Variants in ROCK1 observed in about 807,000 individuals in gnomAD.
ROCK1 encodes Rho associated coiled-coil containing protein kinase 1.
ROCK1 carries 36 observed loss-of-function variants against 196.8 expected under a neutral mutation model. That is an observed-to-expected ratio of 0.18 (90% CI 0.14 to 0.24). The LOEUF (loss-of-function observed/expected upper bound fraction) is 0.24. Ranked by LOEUF, ROCK1 falls within the 10% of genes least tolerant of loss-of-function variation. ROCK1 has a pLI of 1.00. For missense variants in ROCK1, 920 were observed against 1,562.0 expected (o/e 0.59, Z 6.93); for synonymous variants, 443 against 515.9 (o/e 0.86, Z 1.91).
chr18:21,091,036 C>T (rs1016464667), intron 1 of ROCK1, among the ~76,000 whole-genome samples: 2 of 130,408 alleles, frequency 1.5e-5, no homozygotes, highest in African/African-American at 5.7e-5. Context: ...CTGCATAGAT[C>T]TACTTATATG....
Position 20,947,583 on chromosome 18 carries a change from T to C in ROCK1, c.*3801A>G. The stretch of plus-strand genomic sequence containing the variant: ...CAGGCACGGTGGCCTACACCTGTAA[T>C]GAGAGAGTAAAACTGCTTGAGGCTA... On this transcript the variant is annotated 3_prime_UTR_variant, in exon 33 of 33. Coordinates refer to ENST00000399799, the MANE Select transcript of ROCK1 (RefSeq NM_005406.3). 1 of 152,110 alleles carries C rather than the reference T, an allele frequency of 6.6e-6. No individual in the cohort carries two copies. The highest frequency in any genetic ancestry group is 1.5e-5 in the Non-Finnish European group (1 of 68,010). 9.4% of individuals were successfully genotyped at this position (152,110 alleles called of 1,614,324 possible).
At chr18:20,963,307 C>T (rs2035344079) in intron 27 of ROCK1, among the ~76,000 whole-genome samples, 1 of 152,100 alleles carries the variant, frequency 6.6e-6, no homozygotes, top group South Asian at 2.1e-4. Flanking sequence ...AACATCAGAG[C>T]TAACCTCTGA....
intron 2 of ROCK1, among the ~76,000 whole-genome samples, chr18:21,056,140 C>CA (rs1374101188): frequency 6.6e-6 from 1 of 151,018 alleles, no homozygotes; most frequent in Non-Finnish European, 1.5e-5. Flanking sequence ...GCTCAGCCCT[C>CA]AATGGTGACT....
chr18:21,039,302 T>C (rs1399959927), intron 9 of ROCK1, among the ~76,000 whole-genome samples, 170 bp downstream of exon 9: 1 of 152,152 alleles, frequency 6.6e-6, no homozygotes, highest in Non-Finnish European at 1.5e-5. Flanking sequence ...GGAGTAACAA[T>C]ATAATCTGCC....
At chr18:21,032,685 A>AT (rs539290410) in intron 9 of ROCK1, among the ~76,000 whole-genome samples, 1,446 of 126,294 alleles carry the variant, frequency 0.011, 19 homozygotes, top group South Asian at 0.043. Context: ...ATGCCTGGCT[A>AT]TTTTTTTTTT....
chr18:21,046,953 G>A (rs1186490165), intron 4 of ROCK1, among the ~76,000 whole-genome samples: 50 of 151,950 alleles, frequency 3.3e-4, no homozygotes, highest in Admixed American at 3.3e-3. Context: ...TACAAGCATG[G>A]GGGCCACCAC....
chr18:21,061,927 A>C (rs2036295080), intron 2 of ROCK1, among the ~76,000 whole-genome samples: 1 of 152,230 alleles, frequency 6.6e-6, no homozygotes, highest in African/African-American at 2.4e-5. Flanking sequence ...AAAAAGTTAC[A>C]AACAGGCAAG....
chr18:21,028,181 G>C (rs1337372103), intron 10 of ROCK1, among the ~76,000 whole-genome samples: 2 of 151,236 alleles, frequency 1.3e-5, no homozygotes, highest in Non-Finnish European at 3.0e-5. Context: ...ACTTTGGGAG[G>C]CCGAGGCAGG....
intron 16 of ROCK1, among the ~76,000 whole-genome samples, chr18:20,995,692 G>A (rs1287775534): frequency 1.3e-5 from 2 of 152,106 alleles, no homozygotes; most frequent in African/African-American, 2.4e-5. Context: ...CCCTCTCCCT[G>A]GCAGCTCAGC....
chr18:21,071,181 C>CTTTTTTTTTTTTTTTTTTTTTTG (rs11344426), intron 1 of ROCK1, among the ~76,000 whole-genome samples: 2 of 90,392 alleles, frequency 2.2e-5, no homozygotes, highest in Non-Finnish European at 2.3e-5. Context: ...ATTTTTTCTG[C>CTTTTTTTTTTTTTTTTTTTTTTG]TTTTTTTTTT....
At chr18:21,093,460 ATT>A (rs1332815777) in intron 1 of ROCK1, among the ~76,000 whole-genome samples, 1 of 152,194 alleles carries the variant, frequency 6.6e-6, no homozygotes, top group Admixed American at 6.5e-5. Context: ...GAAATAAATT[ATT>A]GTTAATTCAA....
rs1484493318 is a variant in ROCK1, at chr18:20,959,023, A to T, written c.3512+817T>A. Reference sequence around the variant, plus strand: ...ATATATATTTTATATAATATATATAATATATATATTTTATATAATATATAA... The same window carrying T: ...ATATATATTTTATATAATATATATATTATATATATTTTATATAATATATAA... On this transcript the variant is annotated intron_variant, in intron 29 of 32. Transcript: ENST00000399799. Among the ~76,000 whole-genome samples, 27 of 61,708 alleles carry T rather than the reference A, an allele frequency of 4.4e-4. No homozygotes were observed. The East Asian group carries it at 8.8e-3, about 20-fold the overall frequency. The allele number at this position is 61,708 out of a possible 152,430, so 40.5% of individuals were successfully genotyped here.
chr18:21,043,700 TTA>T (rs552496595), intron 6 of ROCK1, among the ~76,000 whole-genome samples: 104 of 151,490 alleles, frequency 6.9e-4, no homozygotes, highest in African/African-American at 2.1e-3. Flanking sequence ...GTAAAATCTT[TTA>T]TATGTTAACT....
At chr18:21,066,340 A>G (rs2036334397) in intron 2 of ROCK1, among the ~76,000 whole-genome samples, 1 of 152,166 alleles carries the variant, frequency 6.6e-6, no homozygotes, top group Non-Finnish European at 1.5e-5. Context: ...AGCCACATAC[A>G]TTGTTTTCCT....
At chr18:20,975,411 A>G (rs1157607952) in intron 22 of ROCK1, among the ~76,000 whole-genome samples, 20 of 152,152 alleles carry the variant, frequency 1.3e-4, no homozygotes, top group Non-Finnish European at 2.9e-5. Context: ...AAGGCTAATC[A>G]GGCTGTTAGA....
chr18:20,952,603 C>A (rs1370964239), intron 32 of ROCK1, among the ~76,000 whole-genome samples: 2 of 151,870 alleles, frequency 1.3e-5, no homozygotes, highest in Non-Finnish European at 2.9e-5. Flanking sequence ...CATGATGAAA[C>A]CCTCTCTCTA....
intron 12 of ROCK1, among the ~76,000 whole-genome samples, chr18:21,017,168 T>A (rs1232666826): frequency 6.6e-6 from 1 of 151,174 alleles, no homozygotes; most frequent in Non-Finnish European, 1.5e-5. Flanking sequence ...CTCTCCCCAA[T>A]TAACACATAC....
chr18:21,109,441 T>C (rs1479081442), intron 1 of ROCK1, among the ~76,000 whole-genome samples: 1 of 152,200 alleles, frequency 6.6e-6, no homozygotes, highest in Middle Eastern at 3.2e-3. Flanking sequence ...ACTGGATAAA[T>C]ATTAAAAGAT....
At chr18:20,982,656 TGAA>T (rs1376955589) in intron 21 of ROCK1, 104 bp downstream of exon 21, 2 of 596,192 alleles carry the variant, frequency 3.4e-6, no homozygotes, top group Non-Finnish European at 6.0e-6. Context: ...TATTAGAAGA[TGAA>T]GAGTCATTTG....
Sources: gnomAD v4.1 joint callset for allele counts (sites outside exome capture counted in the v4.1 genomes callset) on GRCh38, gnomAD v4.1.1 for gene constraint, MANE v1.5 for transcripts, NCBI Gene and HGNC (gene_info 2026-07-23, HGNC 2026-07-21) for gene names.